Variants in ADGRV1 observed in about 807,000 individuals in gnomAD.
ADGRV1 encodes adhesion G protein-coupled receptor V1, also known as G-protein coupled receptor 98.
A neutral mutation model predicts 596.2 loss-of-function variants in ADGRV1; 359 were observed. The observed-to-expected ratio is 0.60, with a 90% confidence interval of 0.55 to 0.66. The LOEUF (loss-of-function observed/expected upper bound fraction) is 0.66. ADGRV1 is among the 30% of genes least tolerant of loss of function. ADGRV1 has a pLI of 0.00. For missense variants in ADGRV1, 7,274 were observed against 7,575.6 expected, an observed-to-expected ratio of 0.96 and a Z score of 1.48; for synonymous variants, 2,681 against 2,679.2, an observed-to-expected ratio of 1.00 and a Z score of -0.02.
chr5:91,160,765 C>T (rs182583703), intron 89 of ADGRV1, among the ~76,000 whole-genome samples: 52 of 152,148 alleles, frequency 3.4e-4, no homozygotes, highest in Non-Finnish European at 6.8e-4. Flanking sequence ...TCCCAGGTCT[C>T]GGCATGTTAT....
intron 17 of ADGRV1, among the ~76,000 whole-genome samples, chr5:90,650,569 A>T (rs1768450226): frequency 6.6e-6 from 1 of 152,138 alleles, no homozygotes; most frequent in Non-Finnish European, 1.5e-5. Flanking sequence ...TAGGTGTTGT[A>T]TACATCTGTT....
chr5:90,856,147 G>A (rs186686478), intron 82 of ADGRV1, among the ~76,000 whole-genome samples: 5 of 152,140 alleles, frequency 3.3e-5, no homozygotes, highest in African/African-American at 1.2e-4. Flanking sequence ...GTAATACAGT[G>A]TAGGATAGAA....
intron 74 of ADGRV1, 146 bp downstream of exon 74, chr5:90,811,484 T>C (rs1354919608): frequency 1.4e-6 from 1 of 740,584 alleles, no homozygotes; most frequent in African/African-American, 1.8e-5. Context: ...TTCTGTAGCA[T>C]GGACCCATGA....
At chr5:90,716,916 C>T in intron 43 of ADGRV1, 187 bp downstream of exon 43, 1 of 442,026 alleles carries the variant, frequency 2.3e-6, no homozygotes, top group Non-Finnish European at 4.0e-6. Flanking sequence ...TAAAGCGCAA[C>T]TGGAAAAATT....
intron 1 of ADGRV1, among the ~76,000 whole-genome samples, chr5:90,568,340 T>C (rs1755925794): frequency 6.6e-6 from 1 of 152,142 alleles, no homozygotes; most frequent in Non-Finnish European, 1.5e-5. Context: ...CTCAAATTAT[T>C]TTCTAATTTA....
At chr5:90,924,873 C>G (rs1302186223) in intron 83 of ADGRV1, among the ~76,000 whole-genome samples, 2 of 151,754 alleles carry the variant, frequency 1.3e-5, no homozygotes, top group Non-Finnish European at 2.9e-5. Context: ...TTCCCAGCAC[C>G]ATTTATTAAA....
intron 85 of ADGRV1, among the ~76,000 whole-genome samples, chr5:90,986,936 A>G (rs1229797795): frequency 1.3e-5 from 2 of 152,178 alleles, no homozygotes; most frequent in Admixed American, 6.6e-5. Context: ...TAATTTTAGC[A>G]TTACATGTAT....
At chr5:90,997,103 G>A (rs1051981605) in intron 85 of ADGRV1, among the ~76,000 whole-genome samples, 65 of 152,170 alleles carry the variant, frequency 4.3e-4, no homozygotes, top group African/African-American at 1.5e-3. Flanking sequence ...TTAATATTTG[G>A]GGGCTGTTGA....
intron 77 of ADGRV1, among the ~76,000 whole-genome samples, chr5:90,831,087 G>A (rs1171386175): frequency 2.6e-5 from 4 of 152,054 alleles, no homozygotes; most frequent in Admixed American, 6.6e-5. Flanking sequence ...TAGTTCTCAG[G>A]CCATAAGGCT....
chr5:91,123,133 T>C (rs1023545471), intron 87 of ADGRV1, among the ~76,000 whole-genome samples: 5 of 152,204 alleles, frequency 3.3e-5, no homozygotes, highest in Non-Finnish European at 7.3e-5. Context: ...AGTTTCCTTA[T>C]CTGTAAAGTG....
intron 64 of ADGRV1, 73 bp downstream of exon 64, chr5:90,779,170 G>A: frequency 2.4e-6 from 2 of 830,748 alleles, no homozygotes; most frequent in South Asian, 1.8e-5. Context: ...ATTGTGTAGA[G>A]ATTAATACTG....
intron 34 of ADGRV1, among the ~76,000 whole-genome samples, chr5:90,698,130 G>T (rs1466723410): frequency 6.6e-6 from 1 of 152,132 alleles, no homozygotes; most frequent in Non-Finnish European, 1.5e-5. Flanking sequence ...GGAATTGCAT[G>T]TTGTCATAGC....
At position 90,683,756 on chromosome 5, in the gene ADGRV1, G is replaced by A. The variant is rs569899625; in HGVS notation, c.5835G>A (p.Lys1945=). ...CTGACGAAGACCCAGAACTGGATAA[G>A]GCATTCTCTGTGTCAGTCCTCAGTG... ...ILPDEDPELD[K]AFSVSVLSVS... is the part of the protein sequence containing the mutation. Residue 1945 remains lysine, a synonymous_variant, in exon 28 of 90, where the codon AAG becomes AAA. Coordinates refer to ENST00000405460, the MANE Select transcript of ADGRV1 (RefSeq NM_032119.4). 1.2e-5 allele frequency: 19 copies of A among 1,613,844 alleles called. No individual in the cohort carries two copies. In the East Asian group the frequency reaches 2.9e-4, roughly 25 times the overall value.
At chr5:90,881,978 G>C (rs1233913186) in intron 83 of ADGRV1, among the ~76,000 whole-genome samples, 1 of 152,026 alleles carries the variant, frequency 6.6e-6, no homozygotes, top group Non-Finnish European at 1.5e-5. Context: ...CAAAGTGTTG[G>C]GGATTACAGG....
intron 83 of ADGRV1, among the ~76,000 whole-genome samples, chr5:90,906,828 T>C (rs949868346): frequency 6.6e-6 from 1 of 152,184 alleles, no homozygotes; most frequent in African/African-American, 2.4e-5. Flanking sequence ...GGTTGTTTAT[T>C]TGAATTTTTT....
chr5:90,995,050 C>G (rs763432803), intron 85 of ADGRV1, among the ~76,000 whole-genome samples: 3 of 152,188 alleles, frequency 2.0e-5, no homozygotes, highest in Non-Finnish European at 2.9e-5. Context: ...CTCAAGCATG[C>G]ACATGGCATT....
intron 84 of ADGRV1, among the ~76,000 whole-genome samples, chr5:90,972,351 T>C (rs10079817): frequency 0.75 from 113,861 of 151,990 alleles, 43,561 homozygotes; most frequent in African/African-American, 0.9. Flanking sequence ...ACCAAGCGGA[T>C]CTAATAGACA....
intron 59 of ADGRV1, among the ~76,000 whole-genome samples, chr5:90,766,312 C>T (rs1367001896): frequency 3.3e-5 from 5 of 152,074 alleles, no homozygotes; most frequent in Admixed American, 6.5e-5. Context: ...CAATCAACCA[C>T]GCTGGATGTC....
intron 21 of ADGRV1, among the ~76,000 whole-genome samples, chr5:90,660,866 A>T (rs1356014650): frequency 6.6e-6 from 1 of 152,214 alleles, no homozygotes; most frequent in Non-Finnish European, 1.5e-5. Flanking sequence ...GTAGACTCTG[A>T]CATAGCCTGC....
Sources: gnomAD v4.1 joint callset for allele counts (sites outside exome capture counted in the v4.1 genomes callset) on GRCh38, gnomAD v4.1.1 for gene constraint, MANE v1.5 for transcripts, NCBI Gene and HGNC (gene_info 2026-07-23, HGNC 2026-07-21) for gene names.